Variants in PKHD1L1 observed in about 807,000 individuals in gnomAD.
The protein encoded by PKHD1L1 is fibrocystin-L.
Under a neutral mutation model 462.9 loss-of-function variants are expected in PKHD1L1, and 434 were observed. The ratio of observed to expected loss-of-function variants is 0.94; its 90% confidence interval spans 0.87 to 1.02. The LOEUF is 1.02. Ranked by LOEUF, PKHD1L1 falls within the 50% of genes least tolerant of loss-of-function variation. The pLI is 0.00. For missense variants in PKHD1L1, 5,202 were observed against 5,096.1 expected, an observed-to-expected ratio of 1.02 and a Z score of -0.63; for synonymous variants, 1,781 against 1,750.0, an observed-to-expected ratio of 1.02 and a Z score of -0.44.
Position 109,480,123 on chromosome 8 carries a change from C to T in PKHD1L1, c.9311C>T (p.Thr3104Ile), listed in dbSNP as rs117952538. The change falls in exon 55 of 78, where the codon ACC becomes ATC. Residue 3104 changes from threonine (T) to isoleucine (I), a missense_variant. Physicochemically the swap from Thr to Ile is moderately conservative, Grantham distance 89. This residue lies in a region of PKHD1L1 where 4,497 missense variants were observed against 4,336.8 expected (regional missense o/e 1.04). Transcript: ENST00000378402. Reference sequence around the variant, plus strand: ...TACAGAGAAGTTGTTTTGAATGCTACCTACATATCACTGCAGGTAAGAGTG... The same window carrying T: ...TACAGAGAAGTTGTTTTGAATGCTATCTACATATCACTGCAGGTAAGAGTG... ...SSYREVVLNA[T>I]YISLQGGRLI... The T allele has an allele frequency of 0.012, 19,062 of 1,569,388 alleles. 146 individuals are homozygous for T. The highest frequency in any genetic ancestry group is 0.017 in the Middle Eastern group (103 of 5,986).
Position 109,400,358 on chromosome 8 carries a change from A to T in PKHD1L1, c.1281+14A>T. 1 of 1,608,668 alleles carries T rather than the reference A, an allele frequency of 6.2e-7. No homozygotes were observed. The highest frequency in any genetic ancestry group is 1.1e-5 in the South Asian group (1 of 90,836). Reference sequence around the variant, plus strand: ...CCAGAAGATAAGGTAGGGAAGCCTCAGAATACTATTTGATACTGTAAAAAC... The same window carrying T: ...CCAGAAGATAAGGTAGGGAAGCCTCTGAATACTATTTGATACTGTAAAAAC... On this transcript the variant is annotated intron_variant, in intron 13 of 77. Coordinates refer to ENST00000378402, the MANE Select transcript of PKHD1L1 (RefSeq NM_177531.6).
At chr8:109,504,648 A>G (rs942845650) in intron 68 of PKHD1L1, among the ~76,000 whole-genome samples, 156 bp downstream of exon 68, 2 of 152,240 alleles carry the variant, frequency 1.3e-5, no homozygotes, top group Admixed American at 1.3e-4. Flanking sequence ...TTAATAATGT[A>G]AATCTAAATG....
chr8:109,415,864 GGTGT>G (rs552265043), intron 21 of PKHD1L1, among the ~76,000 whole-genome samples: 8,403 of 100,232 alleles, frequency 0.084, 327 homozygotes, highest in Admixed American at 0.12. Context: ...AAAAAAAAGG[GGTGT>G]GTGTGTGTGT....
chr8:109,410,726 C>CTTTTTTTTTTTTTTTTTGTTTTTTTTT (rs1813799892), intron 19 of PKHD1L1, among the ~76,000 whole-genome samples: 1 of 68,402 alleles, frequency 1.5e-5, no homozygotes, highest in Non-Finnish European at 2.5e-5. Flanking sequence ...TTTTCTTTTT[C>CTTTTTTTTTTTTTTTTTGTTTTTTTTT]TTTTTTTTTT....
chr8:109,533,805 G>T lies in PKHD1L1; in HGVS notation c.*3715G>T, dbSNP rs1240872847. 2.0e-5 allele frequency among the ~76,000 whole-genome samples: 3 copies of T among 152,112 alleles called. No individual in the cohort carries two copies. The East Asian group carries it at 5.8e-4, about 29-fold the overall frequency. The stretch of plus-strand genomic sequence containing the variant: ...TCTTGACAAAAAAAAAATTCCAGTG[G>T]ATTGAATTAAAACTTTAGGTAAGAA... On this transcript the variant is annotated 3_prime_UTR_variant, in exon 78 of 78. Coordinates refer to ENST00000378402, the MANE Select transcript of PKHD1L1 (RefSeq NM_177531.6).
chr8:109,475,311 C>CCAAACACAG (rs1425869571), intron 51 of PKHD1L1, 42 bp downstream of exon 51: 1 of 1,428,946 alleles, frequency 7.0e-7, no homozygotes, highest in Non-Finnish European at 9.5e-7. Context: ...TGTGTATTAC[C>CCAAACACAG]CAAACACAGC....
intron 40 of PKHD1L1, 132 bp downstream of exon 40, chr8:109,449,619 C>A (rs1213427275): frequency 3.1e-6 from 2 of 653,778 alleles, no homozygotes; most frequent in East Asian, 3.3e-5. Context: ...TGATTCTAAG[C>A]AATTTCTTCA....
At chr8:109,447,641 T>C (rs1816227357) in intron 38 of PKHD1L1, among the ~76,000 whole-genome samples, 1 of 152,220 alleles carries the variant, frequency 6.6e-6, no homozygotes, top group Admixed American at 6.5e-5. Flanking sequence ...ATTTCCTATC[T>C]TACACCCATT....
rs762679942 is a variant in PKHD1L1 at position 109,459,729 on chromosome 8, A to G, written c.7139A>G (p.Glu2380Gly). ...TVTLPDGTLF[E>G]ARAEVGILTR... ...ACACTCCCTGATGGAACTCTGTTTG[A>G]AGCAAGAGCAGAAGTTGGAATTCTT... Residue 2380 changes from glutamate (E) to glycine (G), a missense_variant, in exon 47 of 78, where the codon GAA (glutamate) becomes GGA (glycine). By Grantham distance (98) the Glu-to-Gly change is moderately conservative (BLOSUM62 -2). Coordinates refer to ENST00000378402, the MANE Select transcript of PKHD1L1 (RefSeq NM_177531.6). 6.2e-7 allele frequency: 1 copy of G among 1,612,150 alleles called. No individual in the cohort carries two copies. The highest frequency in any genetic ancestry group is 1.7e-5 in the Admixed American group (1 of 59,812).
intron 38 of PKHD1L1, among the ~76,000 whole-genome samples, chr8:109,447,593 T>C (rs1391464825): frequency 6.6e-6 from 1 of 152,238 alleles, no homozygotes; most frequent in Non-Finnish European, 1.5e-5. Context: ...AACATCAACA[T>C]TCACCTACAA....
chr8:109,363,693 G>A (rs1811090022), intron 1 of PKHD1L1, among the ~76,000 whole-genome samples: 1 of 152,140 alleles, frequency 6.6e-6, no homozygotes, highest in African/African-American at 2.4e-5. Context: ...CAAAGAAGCA[G>A]CTCACACAAT....
At position 109,412,422 on chromosome 8, in the gene PKHD1L1, C is replaced by A; in HGVS notation, c.2235+8C>A. On this transcript the variant is annotated splice_region_variant and intron_variant, in intron 20 of 77. Coordinates refer to ENST00000378402, the MANE Select transcript of PKHD1L1 (RefSeq NM_177531.6). ...TTGTTTCCTTATAATCAGGTAAGCT[C>A]AACAAAATGATATGCTAATTGAATC... is the stretch of plus-strand genomic sequence containing the variant. The A allele has an allele frequency of 6.3e-7, 1 of 1,592,314 alleles. No individual in the cohort carries two copies. The highest frequency in any genetic ancestry group is 8.6e-7 in the Non-Finnish European group (1 of 1,168,432).
chr8:109,401,179 A>C (rs1325348980), intron 13 of PKHD1L1, among the ~76,000 whole-genome samples: 1 of 152,116 alleles, frequency 6.6e-6, no homozygotes, highest in Non-Finnish European at 1.5e-5. Flanking sequence ...ATTTGTCAAT[A>C]ACTACCTTTT....
At chr8:109,487,935 A>AGGAAGGAC (rs1818635430) in intron 59 of PKHD1L1, among the ~76,000 whole-genome samples, 1 of 151,048 alleles carries the variant, frequency 6.6e-6, no homozygotes, top group African/African-American at 2.4e-5. Flanking sequence ...GAAGGAAGGA[A>AGGAAGGAC]GGAAGGAAAG....
chr8:109,403,471 C>G (rs139156304), intron 14 of PKHD1L1, among the ~76,000 whole-genome samples: 2 of 152,168 alleles, frequency 1.3e-5, no homozygotes, highest in Admixed American at 6.5e-5. Context: ...GAAGATTAAA[C>G]GTAATAATGT....
chr8:109,394,402 C>T lies in PKHD1L1; in HGVS notation c.741-13C>T. On this transcript the variant is annotated splice_polypyrimidine_tract_variant and intron_variant, in intron 9 of 77. Transcript: ENST00000378402. The stretch of plus-strand genomic sequence containing the variant: ...GATCATTTAAAGCAGAAAATTTAAT[C>T]TTTTTTTAACAGGAGTTTTCCACAG... 1.4e-6 allele frequency: 2 copies of T among 1,444,424 alleles called. No individual in the cohort carries two copies. Among genetic ancestry groups the T allele is most frequent in the Non-Finnish European group, 1.9e-6 (2 of 1,080,678 alleles). The allele number at this position is 1,444,424 out of a possible 1,614,324, so 89.5% of individuals were successfully genotyped here.
chr8:109,405,458 T>C (rs1813486108), intron 16 of PKHD1L1, among the ~76,000 whole-genome samples: 2 of 152,130 alleles, frequency 1.3e-5, no homozygotes, highest in African/African-American at 4.8e-5. Flanking sequence ...TGCCCGTCAA[T>C]GATAGACTGG....
chr8:109,506,864 A>G (rs1376826106), intron 68 of PKHD1L1, among the ~76,000 whole-genome samples: 1 of 152,162 alleles, frequency 6.6e-6, no homozygotes, highest in African/African-American at 2.4e-5. Flanking sequence ...CTATGAGTAT[A>G]TTGTATGCAT....
rs375785761 is a variant in PKHD1L1, at chr8:109,490,028, T to C, written c.9957T>C (p.Tyr3319=). ...EGFRDSTDPR[Y]AVTFLNLGQI... is the part of the protein sequence containing the mutation. ...TCAGGGATAGCACAGATCCAAGATA[T>C]GCTGTAACGTTTCTTAACCTAGGAC... Residue 3319 remains tyrosine (Y), a synonymous_variant, in exon 60 of 78, where the codon TAT becomes TAC. Transcript: ENST00000378402. 20 of 1,606,704 alleles carry C rather than the reference T, an allele frequency of 1.2e-5. No individual in the cohort carries two copies. The highest frequency in any genetic ancestry group is 4.0e-5 in the African/African-American group (3 of 74,678).
Sources: gnomAD v4.1 joint callset for allele counts (sites outside exome capture counted in the v4.1 genomes callset) on GRCh38, gnomAD v4.1.1 for gene constraint, gnomAD v4.1.1 regional missense constraint, MANE v1.5 for transcripts, NCBI Gene and HGNC (gene_info 2026-07-23, HGNC 2026-07-21) for gene names.